Variants in RGS6 observed in about 807,000 individuals in gnomAD.
The protein encoded by RGS6 is regulator of G protein signaling 6.
A neutral mutation model predicts 78.5 loss-of-function variants in RGS6; 30 were observed. That is an observed-to-expected ratio of 0.38 (90% confidence interval 0.29 to 0.52). RGS6 has a LOEUF of 0.52. Among genes scored for constraint, RGS6 ranks in the 20% least tolerant of loss-of-function variants. The probability of loss-of-function intolerance (pLI) is 0.85; values close to 1 mark genes in which losing one functional copy is unlikely to be tolerated. For synonymous variants in RGS6, 206 were observed against 206.0 expected, an observed-to-expected ratio of 1.00 and a Z score of 0.00; for missense variants, 495 against 609.7, an observed-to-expected ratio of 0.81 and a Z score of 1.98.
intron 3 of RGS6, among the ~76,000 whole-genome samples, chr14:72,364,785 T>C (rs535703229): frequency 1.6e-4 from 24 of 152,320 alleles, no homozygotes; most frequent in African/African-American, 5.5e-4. Flanking sequence ...TGGAGACCAA[T>C]GGCACGATGA....
intron 16 of RGS6, 64 bp downstream of exon 16, chr14:72,536,339 G>T: frequency 8.4e-7 from 1 of 1,191,586 alleles, no homozygotes; most frequent in South Asian, 1.2e-5. Context: ...CTTGCTGCTG[G>T]TTTGAAATGA....
chr14:72,299,597 GC>G (rs2152394422), intron 2 of RGS6, among the ~76,000 whole-genome samples: 1 of 152,330 alleles, frequency 6.6e-6, no homozygotes, highest in Non-Finnish European at 1.5e-5. Context: ...ACTTTCACCA[GC>G]AGTGCAGGAG....
chr14:72,394,945 CG>C (rs1566720858), intron 3 of RGS6, among the ~76,000 whole-genome samples: 1 of 152,160 alleles, frequency 6.6e-6, no homozygotes, highest in South Asian at 2.1e-4. Context: ...AACTAATTAG[CG>C]TCCATGAAAT....
the RGS6 span, among the ~76,000 whole-genome samples, chr14:72,574,665 T>C: frequency 6.6e-6 from 1 of 152,126 alleles, no homozygotes; most frequent in African/African-American, 2.4e-5. Flanking sequence ...ACCAACCTAC[T>C]GTGATGCGAG....
chr14:72,412,132 A>G (rs539115505), intron 3 of RGS6, among the ~76,000 whole-genome samples: 4 of 152,344 alleles, frequency 2.6e-5, no homozygotes, highest in Non-Finnish European at 4.4e-5. Flanking sequence ...GAATGGTTTC[A>G]GAAGGAATGG....
At chr14:72,494,842 T>C (rs1446102196) in intron 12 of RGS6, among the ~76,000 whole-genome samples, 1 of 152,158 alleles carries the variant, frequency 6.6e-6, no homozygotes, top group Non-Finnish European at 1.5e-5. Context: ...TTGACCAGTG[T>C]ATTAGTATCA....
At position 72,562,951 on chromosome 14, in the gene RGS6, C is replaced by A. The variant is rs2097692664; in HGVS notation, c.*484C>A. ...CCCATAGTTACAGCCACTACATCCC[C>A]ACCGCCGCCTGTCATCCCTCACGTC... On this transcript the variant is annotated 3_prime_UTR_variant, in exon 18 of 18. Coordinates refer to ENST00000553525, the MANE Select transcript of RGS6 (RefSeq NM_001204424.2). The A allele has an allele frequency of 1.6e-6, 1 of 622,958 alleles. No individual in the cohort carries two copies. The highest frequency in any genetic ancestry group is 2.9e-6 in the Non-Finnish European group (1 of 346,578). 38.6% of individuals were successfully genotyped at this position (622,958 alleles called of 1,614,324 possible). A position where few individuals can be genotyped will look rare whatever the true frequency, so the allele number is the denominator to read the frequency against.
chr14:72,563,182 G>C lies in RGS6; in HGVS notation c.*715G>C, dbSNP rs558618725. Reference sequence around the variant, plus strand: ...CACATGTCTCAAGGGTCCAGCGTTCGAGGAAGCACTGTTGTAGATGACAGA... The same window carrying C: ...CACATGTCTCAAGGGTCCAGCGTTCCAGGAAGCACTGTTGTAGATGACAGA... On this transcript the variant is annotated 3_prime_UTR_variant, in exon 18 of 18. Transcript: ENST00000553525. 1 of 211,484 alleles carries C rather than the reference G, an allele frequency of 4.7e-6. No individual in the cohort carries two copies. Among genetic ancestry groups the C allele is most frequent in the African/African-American group, 2.2e-5 (1 of 44,772 alleles). The allele number at this position is 211,484 out of a possible 1,614,324, so 13.1% of individuals were successfully genotyped here.
At position 72,293,806 on chromosome 14, in the gene RGS6, G is replaced by A. The variant is rs192379697; in HGVS notation, c.85-58289G>A. On this transcript the variant is annotated intron_variant, in intron 2 of 17. Transcript: ENST00000553525. The stretch of plus-strand genomic sequence containing the variant: ...ATAAATATTTTAGGCTTTGCAAACC[G>A]TATAGTCTCTGTAGCAACTATTCAA... Among the ~76,000 whole-genome samples, 270 of 152,274 alleles carry A rather than the reference G, an allele frequency of 1.8e-3. 1 individual carries two copies. The highest frequency in any genetic ancestry group is 6.7e-3 in the East Asian group (35 of 5,188).
At chr14:72,601,642 A>T in the RGS6 span, among the ~76,000 whole-genome samples, 3 of 152,224 alleles carry the variant, frequency 2.0e-5, no homozygotes, top group South Asian at 6.2e-4. Flanking sequence ...TGCATTTGCT[A>T]ATTATCCATG....
rs1181884789 is a variant in RGS6, at chr14:72,550,860, G to A, written c.1422+10766G>A. On this transcript the variant is annotated intron_variant, in intron 17 of 17. Coordinates refer to ENST00000553525, the MANE Select transcript of RGS6 (RefSeq NM_001204424.2). The stretch of plus-strand genomic sequence containing the variant: ...GTTTTTGGGGGGGTGTTTTTTTTGA[G>A]ACAGAGCCTCGCTTTGTTGCCTAGG... Among the ~76,000 whole-genome samples, 3 of 151,898 alleles carry A rather than the reference G, an allele frequency of 2.0e-5. No homozygotes were observed. The East Asian group carries it at 5.8e-4, about 29-fold the overall frequency.
At chr14:72,241,349 A>T (rs847260) in intron 2 of RGS6, among the ~76,000 whole-genome samples, 2 of 152,098 alleles carry the variant, frequency 1.3e-5, no homozygotes, top group Non-Finnish European at 2.9e-5. Flanking sequence ...AATACTTTAA[A>T]TCCTTTTCTG....
In RGS6 at chr14:71,962,619, A is replaced by G. The variant is rs75537568; in HGVS notation, c.-20-2153A>G. On this transcript the variant is annotated intron_variant, in intron 1 of 17. Coordinates refer to ENST00000553525, the MANE Select transcript of RGS6 (RefSeq NM_001204424.2). Reference sequence around the variant, plus strand: ...AGAATGGTAATCAGTGTTTCCATGTAGTACTATATTCATAGAAATCCTGAT... The same window carrying G: ...AGAATGGTAATCAGTGTTTCCATGTGGTACTATATTCATAGAAATCCTGAT... 3.1e-3 allele frequency among the ~76,000 whole-genome samples: 476 copies of G among 152,340 alleles called. 4 individuals carry two copies. Among genetic ancestry groups the G allele is most frequent in the African/African-American group, 0.011 (452 of 41,580 alleles).
At chr14:72,343,990 T>A (rs1444457335) in intron 2 of RGS6, among the ~76,000 whole-genome samples, 1 of 152,212 alleles carries the variant, frequency 6.6e-6, no homozygotes, top group Non-Finnish European at 1.5e-5. Context: ...CAGAGATTCC[T>A]CAGTCCAGGG....
At chr14:72,562,383 C>T (rs1160888635) in intron 17 of RGS6, 34 bp from the exon 18 acceptor site, 1 of 1,601,440 alleles carries the variant, frequency 6.2e-7, no homozygotes, top group Non-Finnish European at 8.5e-7. Flanking sequence ...GTGTGTGCGC[C>T]TGTGCGTGCC....
chr14:72,418,181 T>A (rs947663667), intron 3 of RGS6, among the ~76,000 whole-genome samples: 7 of 152,062 alleles, frequency 4.6e-5, no homozygotes, highest in Admixed American at 2.0e-4. Context: ...CTTTTTTTTT[T>A]TTTGAGCCTG....
chr14:71,987,237 A>T (rs538721128), intron 2 of RGS6, among the ~76,000 whole-genome samples: 11 of 152,222 alleles, frequency 7.2e-5, no homozygotes. Context: ...GTGATGGTTG[A>T]TATGTGGCAA....
chr14:72,202,139 C>T (rs778157561), intron 2 of RGS6, among the ~76,000 whole-genome samples: 2 of 152,194 alleles, frequency 1.3e-5, no homozygotes, highest in East Asian at 1.9e-4. Context: ...TTGACCCTCA[C>T]GTACTTAAAA....
chr14:72,460,530 ACACT>A (rs1365033122), intron 6 of RGS6, among the ~76,000 whole-genome samples: 2 of 152,184 alleles, frequency 1.3e-5, no homozygotes, highest in Non-Finnish European at 2.9e-5. Flanking sequence ...TGACCAACAG[ACACT>A]CACTAGAGGG....
Sources: allele counts gnomAD v4.1 joint callset (sites outside exome capture counted in the v4.1 genomes callset), GRCh38; gene constraint gnomAD v4.1.1; transcripts MANE v1.5; gene names NCBI Gene and HGNC (gene_info 2026-07-23, HGNC 2026-07-21).